The following HNF4A variants were observed in gnomAD, a reference collection of about 807,000 sequenced individuals.
The protein encoded by HNF4A is hepatocyte nuclear factor 4 alpha.
In HNF4A, 15 loss-of-function variants were observed where a neutral mutation model predicts 52.4. The ratio of observed to expected loss-of-function variants is 0.29; its 90% CI spans 0.19 to 0.44. HNF4A has a LOEUF of 0.44. Among genes scored for constraint, HNF4A ranks in the 20% least tolerant of loss-of-function variants. The probability of loss-of-function intolerance (pLI) is 1.00; values close to 1 mark genes in which losing one functional copy is unlikely to be tolerated. For missense variants in HNF4A, 479 were observed against 647.2 expected, an observed-to-expected ratio of 0.74 and a Z score of 2.82; for synonymous variants, 280 against 264.4, an observed-to-expected ratio of 1.06 and a Z score of -0.57.
chr20:44,419,735 G>A lies in HNF4A; in HGVS notation c.751G>A (p.Val251Ile). ...AACCCTTCCAGGCAATGACTACATT[G>A]TCCCTCGGCACTGCCCGGAGCTGGC... The change falls in exon 7 of 10, where the codon GTC becomes ATC. Residue 251 changes from valine to isoleucine, a missense_variant. Coordinates refer to ENST00000316099, the MANE Select transcript of HNF4A (RefSeq NM_000457.6). 3 of 1,438,588 alleles carry A rather than the reference G, an allele frequency of 2.1e-6. No individual in the cohort carries two copies. The highest frequency in any genetic ancestry group is 1.1e-5 in the South Asian group (1 of 88,548). 89.1% of individuals were successfully genotyped at this position (1,438,588 alleles called of 1,614,324 possible).
At chr20:44,385,399 G>C (rs2063210621) in intron 1 of HNF4A, among the ~76,000 whole-genome samples, 1 of 151,904 alleles carries the variant, frequency 6.6e-6, no homozygotes, top group Admixed American at 6.6e-5. Context: ...ATTTGCTTGA[G>C]GCTGGGGTTC....
chr20:44,369,310 A>G (rs942898107), intron 1 of HNF4A, among the ~76,000 whole-genome samples: 2 of 148,554 alleles, frequency 1.3e-5, no homozygotes, highest in African/African-American at 2.5e-5. Context: ...AAAATGCTGT[A>G]ATCCTGGCAT....
At chr20:44,416,265 G>T (rs1232196385) in intron 5 of HNF4A, among the ~76,000 whole-genome samples, 1 of 152,212 alleles carries the variant, frequency 6.6e-6, no homozygotes, top group East Asian at 1.9e-4. Context: ...TGGGAAAGTC[G>T]GGGGCATTGT....
At chr20:44,387,667 G>GGA (rs2063245539) in intron 1 of HNF4A, among the ~76,000 whole-genome samples, 2 of 67,376 alleles carry the variant, frequency 3.0e-5, no homozygotes, top group Admixed American at 1.5e-4. Flanking sequence ...GGGGGGGGGG[G>GGA]AGGCGGGGGG....
rs1423414071 is a variant in HNF4A at position 44,406,209 on chromosome 20, G to C, written c.267G>C (p.Arg89=). 1.2e-6 allele frequency: 2 copies of C among 1,613,582 alleles called. No individual in the cohort carries two copies. The highest frequency in any genetic ancestry group is 2.7e-5 in the African/African-American group (2 of 74,910). ...AGGGCTTCTTCCGGAGGAGCGTGCG[G>C]AAGAACCACATGTACTCCTGCAGGT... The change falls in exon 2 of 10, where the codon CGG becomes CGC. Residue 89 remains arginine (R), a synonymous_variant. Coordinates refer to ENST00000316099, the MANE Select transcript of HNF4A (RefSeq NM_000457.6).
chr20:44,412,960 C>T (rs1600721587), intron 3 of HNF4A, among the ~76,000 whole-genome samples: 1 of 152,194 alleles, frequency 6.6e-6, no homozygotes, highest in East Asian at 1.9e-4. Flanking sequence ...TCCCTCCTTT[C>T]TGAATCAGCC....
chr20:44,389,821 C>T (rs541229143), intron 1 of HNF4A: 177 of 152,356 alleles, frequency 1.2e-3, no homozygotes, highest in Non-Finnish European at 2.2e-3. Context: ...CGTTCTGTTT[C>T]CCGGAGGAAG....
At chr20:44,376,699 T>C (rs1215004538) in intron 1 of HNF4A, among the ~76,000 whole-genome samples, 3 of 152,198 alleles carry the variant, frequency 2.0e-5, no homozygotes, top group Admixed American at 2.0e-4. Context: ...GTGTATTTGG[T>C]ATTTATCTGG....
chr20:44,398,152 T>A (rs759847795), upstream of HNF4A, among the ~76,000 whole-genome samples: 1 of 152,256 alleles, frequency 6.6e-6, no homozygotes, highest in Non-Finnish European at 1.5e-5. Flanking sequence ...ATCATTGCGT[T>A]CTTAGCCATT....
chr20:44,426,447 A>G (rs2063815424), intron 8 of HNF4A, among the ~76,000 whole-genome samples: 1 of 152,150 alleles, frequency 6.6e-6, no homozygotes, highest in Admixed American at 6.5e-5. Context: ...TGAAGGAGTT[A>G]GGATGACTGC....
At chr20:44,386,735 C>T (rs957861536) in intron 1 of HNF4A, among the ~76,000 whole-genome samples, 9 of 152,156 alleles carry the variant, frequency 5.9e-5, no homozygotes, top group East Asian at 3.8e-4. Context: ...ACAGTCCCCA[C>T]GACAAAGAAT....
intron 1 of HNF4A, among the ~76,000 whole-genome samples, chr20:44,390,946 C>T (rs1314462360): frequency 2.0e-5 from 3 of 152,170 alleles, no homozygotes; most frequent in African/African-American, 7.2e-5. Flanking sequence ...TTATCTCTCT[C>T]ATTTTGCAGT....
intron 8 of HNF4A, among the ~76,000 whole-genome samples, chr20:44,426,193 G>A (rs2063812751): frequency 6.6e-6 from 1 of 152,102 alleles, no homozygotes; most frequent in African/African-American, 2.4e-5. Context: ...AGTGTTTAAT[G>A]GTGTTAAACT....
At chr20:44,356,809 G>T (rs147324010) in intron 1 of HNF4A, among the ~76,000 whole-genome samples, 1,618 of 152,254 alleles carry the variant, frequency 0.011, 33 homozygotes, top group African/African-American at 0.037. Context: ...TTTTTTAAAA[G>T]TTGGGTGCCT....
At chr20:44,361,355 G>A (rs1424026452) in intron 1 of HNF4A, among the ~76,000 whole-genome samples, 4 of 152,100 alleles carry the variant, frequency 2.6e-5, no homozygotes, top group Non-Finnish European at 5.9e-5. Flanking sequence ...GTAAACAGAG[G>A]AACTAAATAT....
chr20:44,410,380 C>T (rs997972369), intron 3 of HNF4A, among the ~76,000 whole-genome samples: 4 of 152,304 alleles, frequency 2.6e-5, no homozygotes, highest in Admixed American at 2.6e-4. Flanking sequence ...CACATGCAGT[C>T]ACTTGGTTGT....
chr20:44,386,641 A>G (rs6031580), intron 1 of HNF4A, among the ~76,000 whole-genome samples: 122,279 of 152,124 alleles, frequency 0.8, 49,488 homozygotes, highest in African/African-American at 0.9. Context: ...GATAGTTTTG[A>G]TTATCACACC....
At chr20:44,381,576 C>T (rs1357563697) in intron 1 of HNF4A, among the ~76,000 whole-genome samples, 2 of 152,126 alleles carry the variant, frequency 1.3e-5, no homozygotes, top group African/African-American at 4.8e-5. Context: ...AGCCACTTCA[C>T]CCAGCCAGTG....
In HNF4A at chr20:44,414,647, C is replaced by T; in HGVS notation, c.633C>T (p.Leu211=). 6.2e-7 allele frequency: 1 copy of T among 1,608,408 alleles called. No homozygotes were observed. The highest frequency in any genetic ancestry group is 2.2e-5 in the East Asian group (1 of 44,766). ...AGTACATCCCAGCTTTCTGCGAGCTCCCCCTGGACGACCAGGTGAGGATGG... is the reference window on the plus strand; with the variant it reads ...AGTACATCCCAGCTTTCTGCGAGCTTCCCCTGGACGACCAGGTGAGGATGG... Residue 211 remains leucine (L), a synonymous_variant, in exon 5 of 10, where the codon CTC becomes CTT. Coordinates refer to ENST00000316099, the MANE Select transcript of HNF4A (RefSeq NM_000457.6).
Sources: gnomAD v4.1 joint callset for allele counts (sites outside exome capture counted in the v4.1 genomes callset) on GRCh38, gnomAD v4.1.1 for gene constraint, MANE v1.5 for transcripts, NCBI Gene and HGNC (gene_info 2026-07-23, HGNC 2026-07-21) for gene names.